MDFIC2: variants seen among roughly 807,000 people sequenced by gnomAD.
The protein encoded by MDFIC2 is MyoD family inhibitor domain containing 2, also known as myoD family inhibitor domain-containing protein 2.
rs1303606823 is a variant in MDFIC2, at chr3:70,244,343, T to C, written c.89-37553A>G. Among the ~76,000 whole-genome samples, 4 of 152,332 alleles carry C rather than the reference T, an allele frequency of 2.6e-5. No individual in the cohort carries two copies. In the South Asian group the frequency reaches 8.3e-4, roughly 32 times the overall value. On this transcript the variant is annotated intron_variant, in intron 2 of 3. Transcript: ENST00000567252. The stretch of plus-strand genomic sequence containing the variant: ...TCATGTTTAACATTTTCTCAATGCC[T>C]CTTTGAGTGAGTTACATCTATTATA...
chr3:70,294,120 T>A, intron 2 of MDFIC2, among the ~76,000 whole-genome samples: 1 of 152,162 alleles, frequency 6.6e-6, no homozygotes, highest in Non-Finnish European at 1.5e-5. Context: ...ATTCTCAGTG[T>A]TTTAGAAATG....
chr3:70,209,365 A>C (rs1262408675), intron 2 of MDFIC2, among the ~76,000 whole-genome samples: 3 of 152,064 alleles, frequency 2.0e-5, no homozygotes, highest in Non-Finnish European at 4.4e-5. Flanking sequence ...GTTGAAAAGC[A>C]CTGCTTTACA....
intron 2 of MDFIC2, among the ~76,000 whole-genome samples, chr3:70,224,423 G>T (rs1345143978): frequency 1.3e-5 from 2 of 152,194 alleles, no homozygotes; most frequent in Non-Finnish European, 2.9e-5. Context: ...CTTTGGATGG[G>T]CTCCAGATGT....
At chr3:70,283,319 G>C (rs1047671352) in intron 2 of MDFIC2, among the ~76,000 whole-genome samples, 1 of 152,042 alleles carries the variant, frequency 6.6e-6, no homozygotes, top group African/African-American at 2.4e-5. Flanking sequence ...GTGCCTGGCA[G>C]ATAGTAAATG....
intron 2 of MDFIC2, among the ~76,000 whole-genome samples, chr3:70,273,495 C>G (rs1047507384): frequency 6.6e-6 from 1 of 152,070 alleles, no homozygotes; most frequent in Non-Finnish European, 1.5e-5. Flanking sequence ...TTCCCTAAAA[C>G]AGTAAACTCC....
chr3:70,261,473 C>G (rs932513049), intron 2 of MDFIC2, among the ~76,000 whole-genome samples: 38 of 152,164 alleles, frequency 2.5e-4, no homozygotes, highest in African/African-American at 8.9e-4. Context: ...TGTGTTTGTA[C>G]TTTCCTTGAT....
intron 2 of MDFIC2, among the ~76,000 whole-genome samples, chr3:70,248,324 T>C (rs1286220492): frequency 6.6e-6 from 1 of 152,112 alleles, no homozygotes; most frequent in African/African-American, 2.4e-5. Context: ...ATGTTCCACC[T>C]CTGAAGGAGT....
In MDFIC2 at chr3:70,264,260, G is replaced by A. The variant is rs150700863; in HGVS notation, c.88+47626C>T. On this transcript the variant is annotated intron_variant, in intron 2 of 3. Coordinates refer to ENST00000567252, the MANE Select transcript of MDFIC2 (RefSeq NM_001364677.1). ...CTCTCTTGACCTTAAAAAGGCCTTC[G>A]TGTTATCTGCTGTCTCTCTAGTTAA... 4.6e-5 allele frequency among the ~76,000 whole-genome samples: 7 copies of A among 152,258 alleles called. No individual in the cohort carries two copies. The East Asian group carries it at 5.8e-4, about 13-fold the overall frequency.
intron 2 of MDFIC2, among the ~76,000 whole-genome samples, chr3:70,287,064 A>T (rs1366027819): frequency 6.3e-5 from 9 of 143,520 alleles, no homozygotes; most frequent in Non-Finnish European, 1.4e-4. Flanking sequence ...TCTCCTGCCT[A>T]ATTGCCCTGG....
chr3:70,232,698 A>T (rs990217279), intron 2 of MDFIC2, among the ~76,000 whole-genome samples: 1 of 152,132 alleles, frequency 6.6e-6, no homozygotes, highest in African/African-American at 2.4e-5. Flanking sequence ...AAACCCCTCA[A>T]CAAGAGAGGT....
intron 2 of MDFIC2, among the ~76,000 whole-genome samples, chr3:70,258,855 T>A (rs543755406): frequency 1.3e-5 from 2 of 152,282 alleles, no homozygotes; most frequent in East Asian, 3.9e-4. Context: ...GATGACCCTA[T>A]GATTGAATTT....
chr3:70,284,208 T>C (rs1485329883), intron 2 of MDFIC2, among the ~76,000 whole-genome samples: 1 of 152,148 alleles, frequency 6.6e-6, no homozygotes, highest in Non-Finnish European at 1.5e-5. Flanking sequence ...TAATGAATAT[T>C]AACTACCAAG....
At chr3:70,262,101 G>A (rs886785298) in intron 2 of MDFIC2, among the ~76,000 whole-genome samples, 15 of 152,132 alleles carry the variant, frequency 9.9e-5, no homozygotes, top group African/African-American at 2.4e-4. Context: ...TCAAAAGCTG[G>A]TGCGACAGTA....
intron 2 of MDFIC2, among the ~76,000 whole-genome samples, chr3:70,259,391 C>G (rs753292112): frequency 1.1e-4 from 16 of 151,542 alleles, no homozygotes; most frequent in Non-Finnish European, 2.1e-4. Context: ...ACATGGAATT[C>G]CTTGAATAAA....
intron 2 of MDFIC2, among the ~76,000 whole-genome samples, chr3:70,306,446 T>G (rs1702401645): frequency 6.6e-6 from 1 of 152,162 alleles, no homozygotes; most frequent in Non-Finnish European, 1.5e-5. Flanking sequence ...ATTGAAGTCG[T>G]CATGTGACTG....
At chr3:70,312,354 CAAAT>C (rs984681761) in intron 1 of MDFIC2, among the ~76,000 whole-genome samples, 193 bp downstream of exon 1, 2 of 152,084 alleles carry the variant, frequency 1.3e-5, no homozygotes, top group African/African-American at 4.8e-5. Flanking sequence ...TGCAAAGAGA[CAAAT>C]AACAATAAAA....
At chr3:70,220,524 AT>A (rs1701452855) in intron 2 of MDFIC2, among the ~76,000 whole-genome samples, 1 of 152,160 alleles carries the variant, frequency 6.6e-6, no homozygotes, top group Non-Finnish European at 1.5e-5. Context: ...CTGGTACAAA[AT>A]TGAATTTACT....
intron 2 of MDFIC2, among the ~76,000 whole-genome samples, chr3:70,232,162 C>T (rs545048813): frequency 2.0e-5 from 3 of 152,274 alleles, no homozygotes; most frequent in South Asian, 2.1e-4. Flanking sequence ...ACCGTACACT[C>T]GACACACTTG....
chr3:70,222,660 CCTTACCA>C (rs1173510799), intron 2 of MDFIC2, among the ~76,000 whole-genome samples: 13 of 152,134 alleles, frequency 8.5e-5, no homozygotes, highest in African/African-American at 3.1e-4. Context: ...ACTCAGACAT[CCTTACCA>C]CTTAGCTAAT....
Sources: gnomAD v4.1 joint callset for allele counts (sites outside exome capture counted in the v4.1 genomes callset) on GRCh38, gnomAD v4.1.1 for gene constraint, MANE v1.5 for transcripts, NCBI Gene and HGNC (gene_info 2026-07-23, HGNC 2026-07-21) for gene names.